Variants in JAKMIP2 observed in about 807,000 individuals in gnomAD.
The protein encoded by JAKMIP2 is janus kinase and microtubule interacting protein 2, also known as janus kinase and microtubule-interacting protein 2.
JAKMIP2 carries 25 observed loss-of-function variants against 115.0 expected under a neutral mutation model. That is an observed-to-expected ratio of 0.22 (90% CI 0.16 to 0.30). The LOEUF (loss-of-function observed/expected upper bound fraction) is 0.30. Ranked by LOEUF, JAKMIP2 falls within the 10% of genes least tolerant of loss-of-function variation. The pLI, the probability that JAKMIP2 is intolerant of heterozygous loss-of-function variation, is 1.00. For synonymous variants in JAKMIP2, 334 were observed against 343.6 expected (o/e 0.97, Z 0.31); for missense variants, 642 against 957.6 (o/e 0.67, Z 4.35).
At chr5:147,638,991 G>C (rs1231049924) in intron 10 of JAKMIP2, among the ~76,000 whole-genome samples, 1 of 152,138 alleles carries the variant, frequency 6.6e-6, no homozygotes, top group African/African-American at 2.4e-5. Context: ...TTAAGAATTA[G>C]TATAGTACAT....
intron 3 of JAKMIP2, chr5:147,660,532 T>A (rs1015394090): frequency 7.0e-6 from 3 of 426,644 alleles, no homozygotes; most frequent in African/African-American, 2.4e-5. Flanking sequence ...TCTCCTACCC[T>A]CTATAAAAAC....
At chr5:147,719,407 G>A in intron 1 of JAKMIP2, among the ~76,000 whole-genome samples, 1 of 131,796 alleles carries the variant, frequency 7.6e-6, no homozygotes, top group Non-Finnish European at 1.6e-5. Flanking sequence ...TATCCTTGTT[G>A]ACTTTCTGTC....
chr5:147,689,232 A>G (rs1019898215), intron 1 of JAKMIP2, among the ~76,000 whole-genome samples: 6 of 152,132 alleles, frequency 3.9e-5, no homozygotes, highest in African/African-American at 1.4e-4. Flanking sequence ...GAGAGGGCAG[A>G]CAGTAATGGG....
At chr5:147,718,552 A>G (rs1246160442) in intron 1 of JAKMIP2, among the ~76,000 whole-genome samples, 2 of 151,516 alleles carry the variant, frequency 1.3e-5, no homozygotes, top group African/African-American at 4.9e-5. Flanking sequence ...TCAGAGATTC[A>G]ACTTCTTCCT....
intron 1 of JAKMIP2, among the ~76,000 whole-genome samples, chr5:147,708,918 T>C (rs1393882466): frequency 1.3e-5 from 2 of 152,220 alleles, no homozygotes; most frequent in African/African-American, 4.8e-5. Flanking sequence ...TTGGCCTTAC[T>C]CTTTAGAGAT....
intron 2 of JAKMIP2, among the ~76,000 whole-genome samples, chr5:147,667,720 T>C (rs1358710201): frequency 1.3e-5 from 2 of 152,172 alleles, no homozygotes; most frequent in Admixed American, 6.5e-5. Context: ...AAGGATCCTA[T>C]TTTTAAAATT....
rs774493533 is a variant in JAKMIP2, at chr5:147,628,740, C to T, written c.1995+11G>A. On this transcript the variant is annotated intron_variant, in intron 16 of 21. Coordinates refer to ENST00000616793, the MANE Select transcript of JAKMIP2 (RefSeq NM_001270941.2). ...ACCGAGATGATTTGAAATGTTTGTA[C>T]GGCTCATTACCTTCTCTGCCAGGGA... 3.0e-5 allele frequency: 48 copies of T among 1,604,710 alleles called. 1 individual carries two copies. The highest frequency in any genetic ancestry group is 1.8e-4 in the South Asian group (16 of 90,660).
chr5:147,662,649 C>A (rs1441615222), intron 2 of JAKMIP2, among the ~76,000 whole-genome samples: 3 of 151,974 alleles, frequency 2.0e-5, no homozygotes, highest in African/African-American at 7.2e-5. Flanking sequence ...CTCTGTGATA[C>A]ACACAACCCC....
intron 21 of JAKMIP2, among the ~76,000 whole-genome samples, chr5:147,596,512 G>A (rs143010770): frequency 1.6e-3 from 236 of 152,210 alleles, no homozygotes; most frequent in African/African-American, 5.3e-3. Context: ...TGAAAGATAC[G>A]ACAACTCTAT....
intron 1 of JAKMIP2, among the ~76,000 whole-genome samples, chr5:147,778,957 G>A (rs900275189): frequency 1.3e-5 from 2 of 152,040 alleles, no homozygotes; most frequent in Non-Finnish European, 2.9e-5. Flanking sequence ...TGTGTAAACA[G>A]GGAATTGCAA....
chr5:147,747,932 G>C (rs1486964698), intron 1 of JAKMIP2, among the ~76,000 whole-genome samples: 1 of 152,074 alleles, frequency 6.6e-6, no homozygotes, highest in Non-Finnish European at 1.5e-5. Flanking sequence ...TGACTTGCTG[G>C]CATATATTCT....
At chr5:147,781,820 A>C (rs888121151) in intron 1 of JAKMIP2, among the ~76,000 whole-genome samples, 38 of 152,372 alleles carry the variant, frequency 2.5e-4, no homozygotes, top group African/African-American at 8.9e-4. Context: ...TATGCTTCAT[A>C]AATGCAATAT....
At chr5:147,621,702 G>T (rs1756855707) in intron 17 of JAKMIP2, among the ~76,000 whole-genome samples, 1 of 152,092 alleles carries the variant, frequency 6.6e-6, no homozygotes. Flanking sequence ...TTTGACATTG[G>T]AGCCTAACCT....
intron 1 of JAKMIP2, among the ~76,000 whole-genome samples, chr5:147,732,281 C>G (rs927784598): frequency 6.6e-6 from 1 of 152,162 alleles, no homozygotes; most frequent in Non-Finnish European, 1.5e-5. Flanking sequence ...GAAAGCATCC[C>G]ATGTGAATCC....
chr5:147,645,258 T>C (rs1758079212), intron 5 of JAKMIP2, among the ~76,000 whole-genome samples: 1 of 152,168 alleles, frequency 6.6e-6, no homozygotes, highest in African/African-American at 2.4e-5. Context: ...GAGACTGGTT[T>C]TGGAAATGCT....
intron 1 of JAKMIP2, among the ~76,000 whole-genome samples, chr5:147,758,404 A>G (rs1320067189): frequency 1.3e-5 from 2 of 152,196 alleles, no homozygotes; most frequent in African/African-American, 4.8e-5. Flanking sequence ...ACAAAGAAAA[A>G]TAATTTGGAA....
intron 1 of JAKMIP2, among the ~76,000 whole-genome samples, chr5:147,684,856 TA>T (rs1161084567): frequency 2.0e-5 from 3 of 152,134 alleles, no homozygotes; most frequent in Non-Finnish European, 4.4e-5. Flanking sequence ...TGATCAGAGA[TA>T]AAAAATGAAG....
chr5:147,600,701 C>T (rs138202322), intron 21 of JAKMIP2, among the ~76,000 whole-genome samples: 218 of 152,152 alleles, frequency 1.4e-3, no homozygotes, highest in African/African-American at 5.0e-3. Context: ...TTGCTCTCAT[C>T]TCTCCCACCC....
At chr5:147,631,667 G>A (rs557521218) in intron 13 of JAKMIP2, among the ~76,000 whole-genome samples, 156 bp from the exon 14 acceptor site, 24 of 152,252 alleles carry the variant, frequency 1.6e-4, no homozygotes, top group East Asian at 5.8e-4. Flanking sequence ...TAAATGTGAC[G>A]GAAAAAGCTG....
Sources: gnomAD v4.1 joint callset for allele counts (sites outside exome capture counted in the v4.1 genomes callset) on GRCh38, gnomAD v4.1.1 for gene constraint, MANE v1.5 for transcripts, NCBI Gene and HGNC (gene_info 2026-07-23, HGNC 2026-07-21) for gene names.